The following EVA1A variants were observed in gnomAD, a reference collection of about 807,000 sequenced individuals.
EVA1A encodes eva-1 homolog A, regulator of programmed cell death, also known as protein eva-1 homolog A.
In EVA1A, 7 loss-of-function variants were observed where a neutral mutation model predicts 9.8. The ratio of observed to expected loss-of-function variants is 0.71; its 90% CI spans 0.41 to 1.34. The LOEUF (loss-of-function observed/expected upper bound fraction) is 1.34. EVA1A is among the 40% of genes most tolerant of loss of function. EVA1A has a pLI of 0.01. For missense variants in EVA1A, 206 were observed against 205.9 expected (o/e 1.00, Z 0.00); for synonymous variants, 90 against 85.6 (o/e 1.05, Z -0.28).
In EVA1A at chr2:75,492,988, A is replaced by G. The variant is rs1351457499; in HGVS notation, c.*248T>C. On this transcript the variant is annotated 3_prime_UTR_variant, in exon 4 of 4. Transcript: ENST00000393913. ...TCGCGTTTCTCCGATCTCCATCCAC[A>G]GTGTTGGAGAGGATTTTTCAGCACC... The G allele has an allele frequency of 1.0e-5, 5 of 496,810 alleles. No individual in the cohort carries two copies. The East Asian group carries it at 1.6e-4, about 16-fold the overall frequency. 30.8% of individuals were successfully genotyped at this position (496,810 alleles called of 1,614,324 possible).
chr2:75,529,121 C>T (rs929704406), intron 1 of EVA1A, among the ~76,000 whole-genome samples: 22 of 152,270 alleles, frequency 1.4e-4, no homozygotes, highest in South Asian at 1.0e-3. Context: ...GAAGATAGAT[C>T]GCATCAAAGG....
chr2:75,507,568 T>C (rs1674660249), intron 3 of EVA1A, among the ~76,000 whole-genome samples: 1 of 152,138 alleles, frequency 6.6e-6, no homozygotes, highest in Admixed American at 6.5e-5. Context: ...TGGACTTGGA[T>C]ACAAAGAGGC....
intron 1 of EVA1A, among the ~76,000 whole-genome samples, chr2:75,531,373 C>T (rs911603872): frequency 2.0e-5 from 3 of 152,116 alleles, no homozygotes; most frequent in Non-Finnish European, 4.4e-5. Flanking sequence ...GCAGATCTGC[C>T]ATTTGATCCA....
chr2:75,493,679 T>G, intron 3 of EVA1A, 70 bp from the exon 4 acceptor site: 1 of 1,430,280 alleles, frequency 7.0e-7, no homozygotes, highest in Non-Finnish European at 9.3e-7. Flanking sequence ...CCAATATGAC[T>G]CCAGCCTACA....
chr2:75,503,916 A>C (rs573747186), intron 3 of EVA1A, among the ~76,000 whole-genome samples: 1 of 152,302 alleles, frequency 6.6e-6, no homozygotes, highest in Non-Finnish European at 1.5e-5. Context: ...CAGACACCCT[A>C]AATGCCCTGA....
At chr2:75,523,033 G>A (rs1353068402) in intron 1 of EVA1A, among the ~76,000 whole-genome samples, 2 of 152,210 alleles carry the variant, frequency 1.3e-5, no homozygotes, top group Non-Finnish European at 2.9e-5. Context: ...TCCTCTCTGT[G>A]TCTAGCTTCA....
intron 1 of EVA1A, among the ~76,000 whole-genome samples, chr2:75,568,550 G>A (rs1266445284): frequency 2.0e-5 from 3 of 151,904 alleles, no homozygotes; most frequent in African/African-American, 7.3e-5. Context: ...AGATGTTAGT[G>A]CACCTGTCAC....
At chr2:75,529,012 G>A (rs1359831458) in intron 1 of EVA1A, among the ~76,000 whole-genome samples, 1 of 152,124 alleles carries the variant, frequency 6.6e-6, no homozygotes, top group African/African-American at 2.4e-5. Context: ...GAAAACCAAT[G>A]CACTAAACAA....
At chr2:75,549,446 T>C (rs1399862353) in intron 1 of EVA1A, among the ~76,000 whole-genome samples, 2 of 151,340 alleles carry the variant, frequency 1.3e-5, no homozygotes, top group Non-Finnish European at 2.9e-5. Flanking sequence ...GAAGAAAGAG[T>C]CCCTAAGGAG....
At chr2:75,527,244 C>A (rs1490027670) in intron 1 of EVA1A, among the ~76,000 whole-genome samples, 1 of 152,206 alleles carries the variant, frequency 6.6e-6, no homozygotes, top group Non-Finnish European at 1.5e-5. Context: ...CCTTAAGAGA[C>A]CATAGCAAGA....
intron 3 of EVA1A, 43 bp downstream of exon 3, chr2:75,518,013 G>C: frequency 6.2e-7 from 1 of 1,611,414 alleles, no homozygotes; most frequent in Non-Finnish European, 8.5e-7. Context: ...CTTGGACCCA[G>C]CCCCAGACCT....
chr2:75,546,925 A>C (rs113188006), intron 1 of EVA1A, among the ~76,000 whole-genome samples: 5 of 151,412 alleles, frequency 3.3e-5, no homozygotes, highest in African/African-American at 1.2e-4. Flanking sequence ...AAAAAAAAAA[A>C]AACACCTAAG....
chr2:75,522,857 G>A (rs1236045000), intron 1 of EVA1A, among the ~76,000 whole-genome samples: 1 of 152,242 alleles, frequency 6.6e-6, no homozygotes, highest in Non-Finnish European at 1.5e-5. Context: ...GAACAGGAAG[G>A]GAGGGAATTC....
rs754963209 is a variant in EVA1A, at chr2:75,518,108, G to A, written c.33C>T (p.His11=). 7 of 1,614,000 alleles carry A rather than the reference G, an allele frequency of 4.3e-6. No homozygotes were observed. The Admixed American group carries it at 1.0e-4, about 23-fold the overall frequency. The part of the protein sequence containing the change: MRLPLSHSPE[H]VEMALLSNIL... ...TGTTGCTGAGCAAAGCCATCTCCAC[G>A]TGCTCTGGGCTGTGGCTGAGGGGCA... is the stretch of plus-strand genomic sequence containing the variant. The change falls in exon 3 of 4, where the codon CAC becomes CAT. Residue 11 remains histidine (H), a synonymous_variant. Coordinates refer to ENST00000393913, the MANE Select transcript of EVA1A (RefSeq NM_001135032.2).
upstream of EVA1A, among the ~76,000 whole-genome samples, chr2:75,562,942 C>T (rs1288523979): frequency 6.6e-6 from 1 of 152,198 alleles, no homozygotes; most frequent in Non-Finnish European, 1.5e-5. Flanking sequence ...AATAGGTGAG[C>T]ACAGACTTTC....
At chr2:75,560,206 A>C (rs990361808) in intron 1 of EVA1A, among the ~76,000 whole-genome samples, 1 of 152,118 alleles carries the variant, frequency 6.6e-6, no homozygotes, top group African/African-American at 2.4e-5. Flanking sequence ...GGGGTCGCCA[A>C]ATGCGCGCGG....
At chr2:75,532,159 CAAAAAAAAAAAAAA>C (rs543115764) in intron 1 of EVA1A, among the ~76,000 whole-genome samples, 4 of 57,846 alleles carry the variant, frequency 6.9e-5, no homozygotes, top group South Asian at 7.7e-4. Context: ...GACTCTGTCT[CAAAAAAAAAAAAAA>C]AAAAAAAAAA....
At chr2:75,517,711 T>G in intron 3 of EVA1A, 1 of 691,704 alleles carries the variant, frequency 1.4e-6, no homozygotes, top group Non-Finnish European at 2.7e-6. Flanking sequence ...GTTAACTGCA[T>G]AGAATAACCA....
chr2:75,562,770 G>A (rs889178441), upstream of EVA1A, among the ~76,000 whole-genome samples: 1 of 152,254 alleles, frequency 6.6e-6, no homozygotes, highest in Non-Finnish European at 1.5e-5. Context: ...GGGGTTTCCT[G>A]ATGTAATACT....
Sources: gnomAD v4.1 joint callset for allele counts (sites outside exome capture counted in the v4.1 genomes callset) on GRCh38, gnomAD v4.1.1 for gene constraint, MANE v1.5 for transcripts, NCBI Gene and HGNC (gene_info 2026-07-23, HGNC 2026-07-21) for gene names.